Variants in FSD1L observed in about 807,000 individuals in gnomAD.
FSD1L encodes fibronectin type III and SPRY domain containing 1 like, also known as FSD1-like protein.
A neutral mutation model predicts 71.6 loss-of-function variants in FSD1L; 45 were observed. The ratio of observed to expected loss-of-function variants is 0.63; its 90% CI spans 0.49 to 0.81. FSD1L has a LOEUF of 0.81. Among genes scored for constraint, FSD1L ranks in the 30% least tolerant of loss-of-function variants. The pLI, the probability that FSD1L is intolerant of heterozygous loss-of-function variation, is 0.00. For synonymous variants in FSD1L, 197 were observed against 207.2 expected, an observed-to-expected ratio of 0.95 and a Z score of 0.42; for missense variants, 561 against 618.1, an observed-to-expected ratio of 0.91 and a Z score of 0.98.
intron 12 of FSD1L, among the ~76,000 whole-genome samples, chr9:105,538,464 A>G (rs750809998): frequency 1.3e-5 from 2 of 152,184 alleles, no homozygotes; most frequent in Admixed American, 6.6e-5. Context: ...AAAGGAGGAG[A>G]TGGTGAAGTT....
At chr9:105,523,109 A>C in intron 10 of FSD1L, 1 of 1,614,076 alleles carries the variant, frequency 6.2e-7, no homozygotes, top group South Asian at 1.1e-5. Flanking sequence ...AGAGTGCTGA[A>C]GAGCAGGAAG....
In FSD1L at chr9:105,513,028, T is replaced by A. The variant is rs949728251; in HGVS notation, c.1025+92T>A. The A allele has an allele frequency of 2.8e-6, 3 of 1,082,282 alleles. No individual in the cohort carries two copies. In the East Asian group the frequency reaches 8.8e-5, roughly 32 times the overall value. 67.0% of individuals were successfully genotyped at this position (1,082,282 alleles called of 1,614,324 possible). A position where few individuals can be genotyped will look rare whatever the true frequency, so the allele number is the denominator to read the frequency against. On this transcript the variant is annotated intron_variant, in intron 10 of 13. Coordinates refer to ENST00000481272, the MANE Select transcript of FSD1L (RefSeq NM_001145313.3). ...CTTTTATTGAAATTCTTAGTCAATA[T>A]ACCTATGAGAGTTACAGTATATTAG...
In FSD1L at chr9:105,535,080, T is replaced by C. The variant is rs1216272744; in HGVS notation, c.1140T>C (p.Ile380=). 5 of 1,551,578 alleles carry C rather than the reference T, an allele frequency of 3.2e-6. No individual in the cohort carries two copies. The East Asian group carries it at 1.2e-4, about 38-fold the overall frequency. ...ESYTVLGDTA[I]ESGQHYWEVK... ...GATCTTTTGTAGGAGACACTGCTAT[T>C]GAAAGTGGACAACATTATTGGGAGG... The change falls in exon 12 of 14, where the codon ATT becomes ATC. Residue 380 remains isoleucine (I), a synonymous_variant. Transcript: ENST00000481272.
At chr9:105,510,963 A>G (rs1437760505) in intron 9 of FSD1L, among the ~76,000 whole-genome samples, 1 of 151,168 alleles carries the variant, frequency 6.6e-6, no homozygotes, top group African/African-American at 2.4e-5. Flanking sequence ...TATACAAGAG[A>G]TAGGACCTCA....
At chr9:105,460,243 C>T (rs1588923573) in intron 1 of FSD1L, among the ~76,000 whole-genome samples, 1 of 152,012 alleles carries the variant, frequency 6.6e-6, no homozygotes, top group East Asian at 1.9e-4. Context: ...TGAAAAGGGT[C>T]TTTCATCTGT....
intron 7 of FSD1L, among the ~76,000 whole-genome samples, chr9:105,490,470 A>G (rs962935365): frequency 3.3e-5 from 5 of 151,654 alleles, no homozygotes; most frequent in African/African-American, 1.2e-4. Context: ...GTTCACTCTG[A>G]TGGTAGTTTC....
intron 13 of FSD1L, among the ~76,000 whole-genome samples, chr9:105,543,255 C>A (rs1342459493): frequency 1.3e-5 from 2 of 152,080 alleles, no homozygotes; most frequent in Admixed American, 1.3e-4. Flanking sequence ...TAAACAACTT[C>A]TAGAATTTCC....
At chr9:105,522,553 C>G in intron 10 of FSD1L, 1 of 1,613,668 alleles carries the variant, frequency 6.2e-7, no homozygotes, top group East Asian at 2.2e-5. Context: ...CCCCGCTCAA[C>G]TAGAGTCAGA....
intron 7 of FSD1L, among the ~76,000 whole-genome samples, chr9:105,498,954 C>T (rs557829868): frequency 6.6e-6 from 1 of 152,232 alleles, no homozygotes; most frequent in South Asian, 2.1e-4. Context: ...TATTTTGGGA[C>T]TTTGCAGCTA....
chr9:105,445,797 T>C (rs1283828447), upstream of FSD1L, among the ~76,000 whole-genome samples: 2 of 152,174 alleles, frequency 1.3e-5, no homozygotes, highest in Non-Finnish European at 2.9e-5. Context: ...CTGGCTGCAC[T>C]TGTTATTCCT....
chr9:105,503,307 A>C (rs967899429), intron 7 of FSD1L, among the ~76,000 whole-genome samples: 1 of 152,178 alleles, frequency 6.6e-6, no homozygotes, highest in Non-Finnish European at 1.5e-5. Flanking sequence ...AAATGAAGAA[A>C]TATCTATTAA....
At chr9:105,471,835 A>G (rs1175012031) in intron 4 of FSD1L, 69 bp from the exon 5 acceptor site, 6 of 567,660 alleles carry the variant, frequency 1.1e-5, no homozygotes, top group East Asian at 3.5e-5. Context: ...ATAACAATAT[A>G]TATTTAAGAT....
intron 9 of FSD1L, among the ~76,000 whole-genome samples, chr9:105,511,163 G>A (rs1314989170): frequency 1.3e-5 from 2 of 151,406 alleles, no homozygotes; most frequent in East Asian, 3.9e-4. Flanking sequence ...AATAAGTATG[G>A]TCTTAAGTGG....
At chr9:105,446,157 A>C (rs74852194), upstream of FSD1L, among the ~76,000 whole-genome samples, 9 of 152,114 alleles carry the variant, frequency 5.9e-5, no homozygotes, top group East Asian at 1.7e-3. Flanking sequence ...ATGTAATGAC[A>C]ACATTGTAGA....
rs1183932661 is a variant in FSD1L, at chr9:105,493,603, CTT to C, written c.586+9103_586+9104del. Among the ~76,000 whole-genome samples the C allele has an allele frequency of 2.0e-5, 3 of 152,182 alleles. No homozygotes were observed. The East Asian group carries it at 5.8e-4, about 29-fold the overall frequency. ...GCAGTTTCTTCCTAGCCTCGATGGTCTTTACAATTTGGCCTGATTTTGCAGTG... is the reference window on the plus strand; with the variant it reads ...GCAGTTTCTTCCTAGCCTCGATGGTCTACAATTTGGCCTGATTTTGCAGTG... On this transcript the variant is annotated intron_variant, in intron 7 of 13. Transcript: ENST00000481272.
At chr9:105,453,242 T>C (rs1405479398) in intron 1 of FSD1L, among the ~76,000 whole-genome samples, 1 of 151,972 alleles carries the variant, frequency 6.6e-6, no homozygotes, top group Non-Finnish European at 1.5e-5. Flanking sequence ...AGTGCAGCGG[T>C]ATGATCTTGG....
intron 1 of FSD1L, among the ~76,000 whole-genome samples, chr9:105,452,677 T>G (rs138296624): frequency 0.032 from 3,888 of 120,360 alleles, 96 homozygotes; most frequent in African/African-American, 0.11. Flanking sequence ...CTGCCTTCCT[T>G]CCTTCCTTCC....
At chr9:105,509,819 A>G (rs1002431563) in intron 9 of FSD1L, among the ~76,000 whole-genome samples, 11 of 152,206 alleles carry the variant, frequency 7.2e-5, no homozygotes, top group Admixed American at 1.3e-4. Context: ...TCTGTATTAC[A>G]TGTTATCAAA....
intron 10 of FSD1L, among the ~76,000 whole-genome samples, chr9:105,516,639 A>C (rs1834744547): frequency 6.6e-6 from 1 of 152,226 alleles, no homozygotes; most frequent in Non-Finnish European, 1.5e-5. Flanking sequence ...AGAAAGGAAT[A>C]GCACATCCAC....
Sources: allele counts gnomAD v4.1 joint callset (sites outside exome capture counted in the v4.1 genomes callset), GRCh38; gene constraint gnomAD v4.1.1; transcripts MANE v1.5; gene names NCBI Gene and HGNC (gene_info 2026-07-23, HGNC 2026-07-21).